Variants in KCNH1 observed in about 807,000 individuals in gnomAD.
KCNH1 encodes the protein potassium voltage-gated channel subfamily H member 1, also known as voltage-gated delayed rectifier potassium channel KCNH1.
KCNH1 carries 27 observed loss-of-function variants against 69.2 expected under a neutral mutation model. The observed-to-expected ratio is 0.39, with a 90% CI of 0.29 to 0.54. KCNH1 has a LOEUF of 0.54. Ranked by LOEUF, KCNH1 falls within the 20% of genes least tolerant of loss-of-function variation. KCNH1 has a pLI of 0.68. For synonymous variants in KCNH1, 456 were observed against 487.7 expected (o/e 0.93, Z 0.86); for missense variants, 798 against 1,261.6 (o/e 0.63, Z 5.57).
In KCNH1 at chr1:210,679,963, A is replaced by ATGCAATGAGTTGCATTCATGAC. The variant is rs1681223608; in HGVS notation, c.*3317_*3318insGTCATGAATGCAACTCATTGCA. ...TTAATGCAATGAGTTGCATTCATGA[A>ATGCAATGAGTTGCATTCATGAC]TGCAATGAGTTGCATTAATTGTACA... On this transcript the variant is annotated 3_prime_UTR_variant, in exon 11 of 11. Coordinates refer to ENST00000271751, the MANE Select transcript of KCNH1 (RefSeq NM_172362.3). The ATGCAATGAGTTGCATTCATGAC allele has an allele frequency of 6.6e-6, 1 of 151,784 alleles. No homozygotes were observed. Among genetic ancestry groups the ATGCAATGAGTTGCATTCATGAC allele is most frequent in the African/African-American group, 2.4e-5 (1 of 41,176 alleles). 9.4% of individuals were successfully genotyped at this position (151,784 alleles called of 1,614,324 possible). A position where few individuals can be genotyped will look rare whatever the true frequency, so the allele number is the denominator to read the frequency against.
At chr1:210,915,843 G>A (rs904253926) in intron 7 of KCNH1, among the ~76,000 whole-genome samples, 3 of 152,038 alleles carry the variant, frequency 2.0e-5, no homozygotes, top group South Asian at 2.1e-4. Flanking sequence ...CAGAAAGCTC[G>A]GATAATCTAT....
rs1553349192 is a variant in KCNH1 at position 210,832,921 on chromosome 1, T to TAC, written c.1463-28757_1463-28756dup. Among the ~76,000 whole-genome samples the TAC allele has an allele frequency of 7.8e-4, 112 of 144,296 alleles. 3 individuals carry two copies. Among genetic ancestry groups the TAC allele is most frequent in the East Asian group, 5.5e-3 (28 of 5,074 alleles). 94.7% of individuals were successfully genotyped at this position (144,296 alleles called of 152,430 possible). A position where few individuals can be genotyped will look rare whatever the true frequency, so the allele number is the denominator to read the frequency against. On this transcript the variant is annotated intron_variant, in intron 7 of 10. Coordinates refer to ENST00000271751, the MANE Select transcript of KCNH1 (RefSeq NM_172362.3). ...TTTCTCAAATACATATATATATATA[T>TAC]ACATATAAATTGAATTTGAGGAAGT...
chr1:211,012,429 A>G (rs1370448509), intron 6 of KCNH1, among the ~76,000 whole-genome samples: 2 of 152,228 alleles, frequency 1.3e-5, no homozygotes, highest in South Asian at 2.1e-4. Context: ...TAAATAAATC[A>G]TGGTACATCC....
intron 5 of KCNH1, among the ~76,000 whole-genome samples, chr1:211,065,754 T>A (rs1287283665): frequency 6.6e-6 from 1 of 152,120 alleles, no homozygotes; most frequent in African/African-American, 2.4e-5. Context: ...ATATATAATT[T>A]TGATCAATTA....
chr1:211,111,576 G>A (rs148353889), intron 1 of KCNH1, among the ~76,000 whole-genome samples: 1,566 of 128,602 alleles, frequency 0.012, 32 homozygotes, highest in African/African-American at 0.045. Context: ...AGTGAGGAGC[G>A]CCTCTGCCCA....
intron 7 of KCNH1, among the ~76,000 whole-genome samples, chr1:210,894,377 G>T (rs2102526861): frequency 6.6e-6 from 1 of 152,266 alleles, no homozygotes; most frequent in African/African-American, 2.4e-5. Context: ...CAGCTGGCCT[G>T]GTGGGAACTG....
chr1:210,803,336 A>C (rs546747337), intron 8 of KCNH1, among the ~76,000 whole-genome samples: 1 of 152,216 alleles, frequency 6.6e-6, no homozygotes, highest in Admixed American at 6.5e-5. Context: ...TCCTGACCTC[A>C]AGTGATCCAC....
chr1:210,860,834 A>G, intron 7 of KCNH1: 1 of 911,650 alleles, frequency 1.1e-6, no homozygotes, highest in Non-Finnish European at 1.8e-6. Flanking sequence ...ACTTCACAAA[A>G]ATAGTGAAGT....
At chr1:210,757,929 T>C (rs1683433641) in intron 10 of KCNH1, among the ~76,000 whole-genome samples, 1 of 152,258 alleles carries the variant, frequency 6.6e-6, no homozygotes, top group Admixed American at 6.5e-5. Flanking sequence ...ACACAGGGCA[T>C]GCTGCAGTCT....
At chr1:211,009,764 A>G (rs919994635) in intron 6 of KCNH1, among the ~76,000 whole-genome samples, 2 of 151,942 alleles carry the variant, frequency 1.3e-5, no homozygotes, top group African/African-American at 4.8e-5. Context: ...GCTTGCCACC[A>G]TGCCCGGTTA....
chr1:211,100,449 T>G (rs1317892925), intron 3 of KCNH1, among the ~76,000 whole-genome samples: 1 of 151,688 alleles, frequency 6.6e-6, no homozygotes, highest in Non-Finnish European at 1.5e-5. Flanking sequence ...GCCTCTGGAG[T>G]TCGACAATTC....
chr1:210,742,427 A>G (rs979948530), intron 10 of KCNH1, among the ~76,000 whole-genome samples: 1 of 152,192 alleles, frequency 6.6e-6, no homozygotes, highest in Non-Finnish European at 1.5e-5. Flanking sequence ...CAGATGGGAA[A>G]TAGAATTCCT....
rs142322751 is a variant in KCNH1, at chr1:210,726,486, G to T, written c.2113-42348C>A. 1.8e-3 allele frequency among the ~76,000 whole-genome samples: 277 copies of T among 152,296 alleles called. 1 individual carries two copies. Among genetic ancestry groups the T allele is most frequent in the African/African-American group, 6.4e-3 (265 of 41,562 alleles). On this transcript the variant is annotated intron_variant, in intron 10 of 10. Transcript: ENST00000271751. ...CAGGTATGTAGCAAATCATCTCAGG[G>T]AGGCAAGCTCAACTTCTTAGACTCA...
intron 6 of KCNH1, among the ~76,000 whole-genome samples, chr1:210,939,071 T>C (rs941006890): frequency 6.6e-6 from 1 of 152,152 alleles, no homozygotes; most frequent in Non-Finnish European, 1.5e-5. Flanking sequence ...CTGATCCCCA[T>C]AGGCGGAGCT....
At chr1:211,008,340 T>C (rs1466141457) in intron 6 of KCNH1, among the ~76,000 whole-genome samples, 1 of 152,224 alleles carries the variant, frequency 6.6e-6, no homozygotes, top group Non-Finnish European at 1.5e-5. Flanking sequence ...TACCTATGTT[T>C]GTCAAAAGAA....
At chr1:211,132,321 C>T (rs1048046359) in intron 1 of KCNH1, among the ~76,000 whole-genome samples, 1 of 152,050 alleles carries the variant, frequency 6.6e-6, no homozygotes, top group African/African-American at 2.4e-5. Flanking sequence ...TGAACAACTC[C>T]AGCTTTTTTA....
At chr1:210,982,385 G>A (rs1688730280) in intron 6 of KCNH1, among the ~76,000 whole-genome samples, 1 of 151,892 alleles carries the variant, frequency 6.6e-6, no homozygotes, top group East Asian at 1.9e-4. Context: ...TCATCATTTA[G>A]CATTAGGTAT....
Position 210,837,143 on chromosome 1 carries a change from C to T in KCNH1, c.1463-32977G>A, listed in dbSNP as rs570558477. On this transcript the variant is annotated intron_variant, in intron 7 of 10. Coordinates refer to ENST00000271751, the MANE Select transcript of KCNH1 (RefSeq NM_172362.3). The stretch of plus-strand genomic sequence containing the variant: ...GCTCTCAAGTATATCTGGGCCTTTG[C>T]ACAAGGTGTTTCTTCTGTCCAGAAC... Among the ~76,000 whole-genome samples the T allele has an allele frequency of 3.5e-3, 528 of 152,276 alleles. 4 individuals are homozygous for T. The highest frequency in any genetic ancestry group is 0.012 in the African/African-American group (508 of 41,554).
intron 10 of KCNH1, among the ~76,000 whole-genome samples, chr1:210,757,231 C>T (rs1346099322): frequency 2.6e-5 from 4 of 152,142 alleles, no homozygotes; most frequent in African/African-American, 9.7e-5. Flanking sequence ...TTGGCTACCA[C>T]CTATGGGCAT....
Sources: allele counts gnomAD v4.1 joint callset (sites outside exome capture counted in the v4.1 genomes callset), GRCh38; gene constraint gnomAD v4.1.1; transcripts MANE v1.5; gene names NCBI Gene and HGNC (gene_info 2026-07-23, HGNC 2026-07-21).